Variants in LARP4B observed in about 807,000 individuals in gnomAD.
LARP4B encodes the protein La ribonucleoprotein 4B.
A neutral mutation model predicts 89.8 loss-of-function variants in LARP4B; 12 were observed. That is an observed-to-expected ratio of 0.13 (90% CI 0.09 to 0.22). The LOEUF (loss-of-function observed/expected upper bound fraction) is 0.22, where lower values mean the gene tolerates loss of function less well. Among genes scored for constraint, LARP4B ranks in the 10% least tolerant of loss-of-function variants. The pLI is 1.00. For missense variants in LARP4B, 757 were observed against 947.7 expected, an observed-to-expected ratio of 0.80 and a Z score of 2.64; for synonymous variants, 367 against 363.3, an observed-to-expected ratio of 1.01 and a Z score of -0.12.
chr10:922,586 G>A (rs976980928), intron 1 of LARP4B, among the ~76,000 whole-genome samples: 3 of 152,028 alleles, frequency 2.0e-5, no homozygotes, highest in Non-Finnish European at 4.4e-5. Flanking sequence ...AGGATCACTG[G>A]AGCTCAGAAA....
the LARP4B span, chr10:985,781 A>G: frequency 1.6e-4 from 25 of 152,386 alleles, no homozygotes; most frequent in African/African-American, 6.0e-4. Flanking sequence ...CAGCCCCTAC[A>G]TCAGGAACTT....
intron 1 of LARP4B, among the ~76,000 whole-genome samples, chr10:921,270 T>C (rs1436380322): frequency 1.3e-5 from 2 of 150,238 alleles, no homozygotes; most frequent in East Asian, 1.9e-4. Context: ...TGAAACTCCA[T>C]CTCAAAAAAA....
At chr10:973,976 C>G in the LARP4B span, among the ~76,000 whole-genome samples, 1 of 152,250 alleles carries the variant, frequency 6.6e-6, no homozygotes, top group Non-Finnish European at 1.5e-5. Flanking sequence ...TTAGGAAGTG[C>G]CCTTTCCCCA....
chr10:971,180 C>G, the LARP4B span: 2 of 152,194 alleles, frequency 1.3e-5, no homozygotes, highest in Non-Finnish European at 2.9e-5. Context: ...ACTTCCAGAG[C>G]TCCATTTGGT....
At chr10:939,142 T>G in the LARP4B span, among the ~76,000 whole-genome samples, 98 of 152,336 alleles carry the variant, frequency 6.4e-4, 1 homozygote, top group Admixed American at 1.4e-3. Context: ...CAGAGAGGAC[T>G]CCACCCTTCC....
intron 1 of LARP4B, among the ~76,000 whole-genome samples, chr10:900,420 C>CTTT (rs529963345): frequency 0.19 from 8,458 of 45,024 alleles, 3,187 homozygotes; most frequent in South Asian, 0.23. Flanking sequence ...AGAAGGATGT[C>CTTT]TTTTTTTTTT....
chr10:854,439 T>C (rs1834202437), intron 5 of LARP4B, among the ~76,000 whole-genome samples: 1 of 152,208 alleles, frequency 6.6e-6, no homozygotes, highest in Admixed American at 6.5e-5. Context: ...ACACAATGAC[T>C]CCTTGATCCA....
intron 1 of LARP4B, among the ~76,000 whole-genome samples, chr10:929,562 C>G (rs1837243690): frequency 6.6e-6 from 1 of 151,528 alleles, no homozygotes; most frequent in Non-Finnish European, 1.5e-5. Context: ...CGTGTCACTG[C>G]ACTCCATCCT....
intron 3 of LARP4B, among the ~76,000 whole-genome samples, chr10:871,399 C>T (rs1348003688): frequency 6.6e-6 from 1 of 151,994 alleles, no homozygotes; most frequent in Non-Finnish European, 1.5e-5. Context: ...CCGTCCCCTG[C>T]GTGTCCACCA....
At chr10:823,164 T>C (rs1832444107) in intron 13 of LARP4B, among the ~76,000 whole-genome samples, 1 of 152,156 alleles carries the variant, frequency 6.6e-6, no homozygotes, top group South Asian at 2.1e-4. Context: ...GCATGCGCTT[T>C]CCCTGCCCAC....
Position 814,665 on chromosome 10 carries a change from G to A in LARP4B, c.1929+77C>T. 6.4e-7 allele frequency: 1 copy of A among 1,552,154 alleles called. No homozygotes were observed. Among genetic ancestry groups the A allele is most frequent in the Non-Finnish European group, 8.7e-7 (1 of 1,147,318 alleles). ...ATTAGATGTGATTAAAAAACGAGCA[G>A]GTGCAGGAGTGCGCAGCGTCTGTTC... On this transcript the variant is annotated intron_variant, in intron 17 of 17. Coordinates refer to ENST00000316157, the MANE Select transcript of LARP4B (RefSeq NM_015155.3). This position sits in a 1 kb window ranked among gnomAD's most constrained non-coding sequence, Gnocchi z 4.4.
chr10:839,112 C>A (rs1050732629), intron 7 of LARP4B, among the ~76,000 whole-genome samples: 1 of 152,144 alleles, frequency 6.6e-6, no homozygotes, highest in African/African-American at 2.4e-5. Flanking sequence ...CTGGGGGAGG[C>A]AGGGATGCAC....
intron 5 of LARP4B, among the ~76,000 whole-genome samples, chr10:847,266 C>T (rs894240236): frequency 2.0e-5 from 3 of 152,034 alleles, no homozygotes; most frequent in Non-Finnish European, 4.4e-5. Context: ...AAGAAACACC[C>T]GGCACTGCAG....
At chr10:945,712 A>G in the LARP4B span, among the ~76,000 whole-genome samples, 1 of 151,134 alleles carries the variant, frequency 6.6e-6, no homozygotes, top group South Asian at 2.1e-4. Context: ...AAGACATTTT[A>G]GCATTACTAT....
the LARP4B span, among the ~76,000 whole-genome samples, chr10:976,884 G>A: frequency 1.3e-4 from 19 of 151,324 alleles, no homozygotes; most frequent in East Asian, 2.5e-3. Context: ...GTTGTGCAAC[G>A]TGTGGACCCA....
rs1178339532 is a variant in LARP4B at position 809,577 on chromosome 10, CA to C, written c.*3348del. 1 of 152,436 alleles carries C rather than the reference CA, an allele frequency of 6.6e-6. No homozygotes were observed. Among genetic ancestry groups the C allele is most frequent in the Non-Finnish European group, 1.5e-5 (1 of 68,032 alleles). The allele number at this position is 152,436 out of a possible 1,614,324, so 9.4% of individuals were successfully genotyped here. On this transcript the variant is annotated 3_prime_UTR_variant, in exon 18 of 18. Coordinates refer to ENST00000316157, the MANE Select transcript of LARP4B (RefSeq NM_015155.3). ...CCTAAATCTTTATTTTCATAACCTA[CA>C]TTTTTTTTCAAATTAGACAGTTTTA...
intron 3 of LARP4B, among the ~76,000 whole-genome samples, chr10:868,549 C>T (rs1416449542): frequency 1.3e-5 from 2 of 152,198 alleles, no homozygotes; most frequent in Non-Finnish European, 2.9e-5. Context: ...ACTTAGGCAT[C>T]ATTTATGCTC....
rs547866908 is a variant in LARP4B, at chr10:881,432, G to C, written c.141+3015C>G. 5.9e-5 allele frequency among the ~76,000 whole-genome samples: 9 copies of C among 152,174 alleles called. No homozygotes were observed. The South Asian group carries it at 1.9e-3, about 32-fold the overall frequency. ...AAGGTCACAACTGACCCCTCGCTTT[G>C]TTACCTTACTACACTTCACTTGAGT... On this transcript the variant is annotated intron_variant, in intron 3 of 17. Transcript: ENST00000316157.
At chr10:825,037 G>A (rs1313773958) in intron 13 of LARP4B, 28 bp downstream of exon 13, 1 of 1,598,906 alleles carries the variant, frequency 6.3e-7, no homozygotes, top group Admixed American at 1.7e-5. Flanking sequence ...AGTTTATGAT[G>A]TTACACAGTA....
Sources: gnomAD v4.1 joint callset for allele counts (sites outside exome capture counted in the v4.1 genomes callset) on GRCh38, gnomAD v4.1.1 for gene constraint, Gnocchi (gnomAD v3.1) non-coding constraint, MANE v1.5 for transcripts, NCBI Gene and HGNC (gene_info 2026-07-23, HGNC 2026-07-21) for gene names.